The following LIFR variants were observed in gnomAD, a reference collection of about 807,000 sequenced individuals.
LIFR encodes LIF receptor subunit alpha, also known as leukemia inhibitory factor receptor.
A neutral mutation model predicts 122.2 loss-of-function variants in LIFR; 84 were observed. The ratio of observed to expected loss-of-function variants is 0.69; its 90% CI spans 0.58 to 0.82. The LOEUF (loss-of-function observed/expected upper bound fraction) is 0.82. Ranked by LOEUF, LIFR falls within the 40% of genes least tolerant of loss-of-function variation. The pLI is 0.00. For missense variants in LIFR, 1,294 were observed against 1,311.6 expected (o/e 0.99, Z 0.21); for synonymous variants, 422 against 434.7 (o/e 0.97, Z 0.36).
chr5:38,598,350 A>G (rs936640848), upstream of LIFR, among the ~76,000 whole-genome samples: 8 of 147,716 alleles, frequency 5.4e-5, no homozygotes, highest in Admixed American at 3.4e-4. Flanking sequence ...GAGTTGAAGC[A>G]TTTCTCCCAC....
rs1400942538 is a variant in LIFR, at chr5:38,478,305, C to T, written c.*3290G>A. On this transcript the variant is annotated 3_prime_UTR_variant, in exon 20 of 20. Transcript: ENST00000453190. ...ATGTTCTAAATGTAATCTTTCAGAT[C>T]CACGAGCGGTGAAAGTAATGCTGGT... 4.9e-6 allele frequency: 1 copy of T among 205,212 alleles called. No individual in the cohort carries two copies. Among genetic ancestry groups the T allele is most frequent in the Non-Finnish European group, 1.0e-5 (1 of 100,234 alleles). 12.7% of individuals were successfully genotyped at this position (205,212 alleles called of 1,614,324 possible).
chr5:38,607,743 C>T (rs550327966), intron 1 of LIFR: 1 of 152,366 alleles, frequency 6.6e-6, no homozygotes, highest in Non-Finnish European at 1.5e-5. Flanking sequence ...AAACAATGGC[C>T]AGAGAGGATC....
At position 38,481,880 on chromosome 5, in the gene LIFR, T is replaced by G. The variant is rs1235365729; in HGVS notation, c.3009A>C (p.Pro1003=). 8 of 1,614,094 alleles carry G rather than the reference T, an allele frequency of 5.0e-6. No homozygotes were observed. The highest frequency in any genetic ancestry group is 6.8e-6 in the Non-Finnish European group (8 of 1,180,040). The change falls in exon 20 of 20, where the codon CCA becomes CCC. Residue 1003 remains proline (P), a synonymous_variant. Transcript: ENST00000453190. ...NDPVGGAGYK[P]QMHLPINSTV... ...TAGAATTAATGGGGAGGTGCATCTG[T>G]GGCTTATAGCCTGCCCCTCCTACAG...
chr5:38,548,890 T>C (rs1748039795), intron 1 of LIFR, among the ~76,000 whole-genome samples: 1 of 152,148 alleles, frequency 6.6e-6, no homozygotes, highest in South Asian at 2.1e-4. Context: ...ATAACACAAT[T>C]ATTCTGCTTG....
chr5:38,594,016 G>A (rs1750016975), intron 1 of LIFR, among the ~76,000 whole-genome samples: 1 of 152,184 alleles, frequency 6.6e-6, no homozygotes, highest in African/African-American at 2.4e-5. Flanking sequence ...GTATATGCTA[G>A]ATGGATAAGG....
chr5:38,585,094 G>C (rs6865824), intron 1 of LIFR, among the ~76,000 whole-genome samples: 125,717 of 152,192 alleles, frequency 0.83, 52,103 homozygotes, highest in East Asian at 0.96. Flanking sequence ...TGCCATAAGT[G>C]TTTTTATTAT....
In LIFR at chr5:38,499,111, T is replaced by C. The variant is rs557807247; in HGVS notation, c.1671+402A>G. Among the ~76,000 whole-genome samples, 4 of 152,308 alleles carry C rather than the reference T, an allele frequency of 2.6e-5. No individual in the cohort carries two copies. The South Asian group carries it at 6.2e-4, about 24-fold the overall frequency. On this transcript the variant is annotated intron_variant, in intron 12 of 19. Coordinates refer to ENST00000453190, the MANE Select transcript of LIFR (RefSeq NM_001127671.2). ...ATCATACAAAACTTTATAACTGGCA[T>C]GTTATAATGCAATTTATTGAAGGGA...
chr5:38,536,826 G>C (rs1747318290), intron 1 of LIFR, among the ~76,000 whole-genome samples: 1 of 152,204 alleles, frequency 6.6e-6, no homozygotes, highest in Admixed American at 6.5e-5. Context: ...TATGCGTTCT[G>C]CATGTAGGAA....
chr5:38,565,606 A>G (rs1348113017), intron 1 of LIFR, among the ~76,000 whole-genome samples: 1 of 127,794 alleles, frequency 7.8e-6, no homozygotes, highest in Non-Finnish European at 1.7e-5. Flanking sequence ...TTTTTTTTTT[A>G]GACGGAGTTT....
Position 38,515,129 on chromosome 5 carries a change from T to A in LIFR, c.562-3165A>T, listed in dbSNP as rs78309769. Among the ~76,000 whole-genome samples, 879 of 152,302 alleles carry A rather than the reference T, an allele frequency of 5.8e-3. 4 individuals carry two copies. The highest frequency in any genetic ancestry group is 0.02 in the African/African-American group (815 of 41,550). On this transcript the variant is annotated intron_variant, in intron 5 of 19. Coordinates refer to ENST00000453190, the MANE Select transcript of LIFR (RefSeq NM_001127671.2). ...AGAAATGTGCTGAAAGACACTGAAG[T>A]CTATCTTGAGTGAGTTATAAATATA...
chr5:38,528,753 G>A lies in LIFR; in HGVS notation c.230C>T (p.Thr77Ile). Residue 77 changes from threonine (T) to isoleucine (I), a missense_variant, in exon 3 of 20, where the codon ACT becomes ATT. By Grantham distance (89) the Thr-to-Ile change is moderately conservative (BLOSUM62 -1). Coordinates refer to ENST00000453190, the MANE Select transcript of LIFR (RefSeq NM_001127671.2). Reference protein sequence around the residue: ...WKAPSGTGRGTDYEVCIENRS... With the variant: ...WKAPSGTGRGIDYEVCIENRS... ...GTTTTCAATGCAAACTTCATAATCA[G>A]TACCACGGCCTGTTCCAGAGGGTGC... 1.3e-6 allele frequency: 2 copies of A among 1,593,874 alleles called. No homozygotes were observed. Among genetic ancestry groups the A allele is most frequent in the Non-Finnish European group, 1.7e-6 (2 of 1,167,934 alleles).
chr5:38,553,622 CTATATA>C (rs66547796), intron 1 of LIFR, among the ~76,000 whole-genome samples: 1,021 of 41,416 alleles, frequency 0.025, 13 homozygotes, highest in South Asian at 0.038. Flanking sequence ...ACCATTTAAA[CTATATA>C]TATATATATA....
chr5:38,553,014 G>A (rs1209598623), intron 1 of LIFR, among the ~76,000 whole-genome samples: 4 of 152,092 alleles, frequency 2.6e-5, no homozygotes, highest in South Asian at 4.1e-4. Flanking sequence ...TCTTTCCCAC[G>A]TCTGTAAACA....
chr5:38,534,122 A>G (rs991019304), intron 1 of LIFR, among the ~76,000 whole-genome samples: 1 of 152,146 alleles, frequency 6.6e-6, no homozygotes, highest in Non-Finnish European at 1.5e-5. Flanking sequence ...GCTCATTTGT[A>G]TTCTTCCTAG....
chr5:38,512,904 T>C (rs1745877960), intron 5 of LIFR, among the ~76,000 whole-genome samples: 1 of 151,874 alleles, frequency 6.6e-6, no homozygotes, highest in Admixed American at 6.6e-5. Flanking sequence ...AAAATAGTTT[T>C]AGACTAGATT....
upstream of LIFR, chr5:38,558,896 A>C (rs1425014820): frequency 6.6e-6 from 1 of 152,236 alleles, no homozygotes; most frequent in East Asian, 1.9e-4. Flanking sequence ...GGGTAGGAAC[A>C]CAAAGCCTGA....
chr5:38,555,548 T>G (rs1748474967), intron 1 of LIFR, among the ~76,000 whole-genome samples: 1 of 152,198 alleles, frequency 6.6e-6, no homozygotes, highest in South Asian at 2.1e-4. Context: ...GAATGTATCT[T>G]TTAAAGACAC....
At chr5:38,604,777 C>A (rs1011110211) in intron 2 of LIFR, among the ~76,000 whole-genome samples, 4 of 152,024 alleles carry the variant, frequency 2.6e-5, no homozygotes, top group African/African-American at 9.7e-5. Context: ...CCAGGAGGTG[C>A]TGACAACATG....
In LIFR at chr5:38,489,856, A is replaced by G. The variant is rs574819545; in HGVS notation, c.2167+334T>C. 2.0e-5 allele frequency among the ~76,000 whole-genome samples: 3 copies of G among 150,652 alleles called. No individual in the cohort carries two copies. The South Asian group carries it at 6.4e-4, about 32-fold the overall frequency. On this transcript the variant is annotated intron_variant, in intron 15 of 19. Transcript: ENST00000453190. ...AAAAAAAAAAAAAAATTAGCTGAGCATGGTGGCATGCACCTGTAGTCCCAG... is the reference window on the plus strand; with the variant it reads ...AAAAAAAAAAAAAAATTAGCTGAGCGTGGTGGCATGCACCTGTAGTCCCAG...
Sources: gnomAD v4.1 joint callset for allele counts (sites outside exome capture counted in the v4.1 genomes callset) on GRCh38, gnomAD v4.1.1 for gene constraint, MANE v1.5 for transcripts, NCBI Gene and HGNC (gene_info 2026-07-23, HGNC 2026-07-21) for gene names.